Variants in SPINK9 observed in about 807,000 individuals in gnomAD.
SPINK9 encodes serine protease inhibitor Kazal-type 9.
In SPINK9, 3 loss-of-function variants were observed where a neutral mutation model predicts 10.8. That is an observed-to-expected ratio of 0.28 (90% CI 0.13 to 0.72). The LOEUF (loss-of-function observed/expected upper bound fraction) is 0.72, where lower values mean the gene tolerates loss of function less well. Among genes scored for constraint, SPINK9 ranks in the 30% least tolerant of loss-of-function variants. SPINK9 has a pLI of 0.74. For missense variants in SPINK9, 101 were observed against 103.2 expected, an observed-to-expected ratio of 0.98 and a Z score of 0.09; for synonymous variants, 30 against 31.2, an observed-to-expected ratio of 0.96 and a Z score of 0.12.
chr5:148,323,868 G>C (rs1238154458), exon 2 of SPINK9: 2 of 697,774 alleles, frequency 2.9e-6, no homozygotes, highest in Non-Finnish European at 5.2e-6. Flanking sequence ...ACATTTACAA[G>C]GTATGTAGCC....
intron 1 of SPINK9, among the ~76,000 whole-genome samples, chr5:148,321,808 T>G (rs529404057): frequency 2.0e-5 from 3 of 152,294 alleles, no homozygotes; most frequent in African/African-American, 4.8e-5. Flanking sequence ...AATGAATAAA[T>G]AATTGCAGGA....
At chr5:148,323,048 T>G (rs1181929099) in intron 1 of SPINK9, among the ~76,000 whole-genome samples, 1 of 152,130 alleles carries the variant, frequency 6.6e-6, no homozygotes, top group African/African-American at 2.4e-5. Context: ...AAGCAAAATA[T>G]AGAAGATACA....
chr5:148,323,805 A>G (rs1158494130), exon 2 of SPINK9: 2 of 701,648 alleles, frequency 2.9e-6, no homozygotes, highest in African/African-American at 3.5e-5. Flanking sequence ...TCCACCAAGC[A>G]GCTCAGGAGA....
chr5:148,330,684 C>T (rs1047134763), upstream of SPINK9, among the ~76,000 whole-genome samples: 2 of 152,080 alleles, frequency 1.3e-5, no homozygotes, highest in African/African-American at 2.4e-5. Flanking sequence ...TTCAGGAGTT[C>T]TTTTAGGGCA....
chr5:148,336,663 C>T (rs1215666527), intron 2 of SPINK9, among the ~76,000 whole-genome samples: 1 of 152,148 alleles, frequency 6.6e-6, no homozygotes, highest in East Asian at 1.9e-4. Context: ...TTTAGAAAGG[C>T]CTGGTCTTTA....
upstream of SPINK9, chr5:148,335,481 A>T: frequency 1.4e-6 from 1 of 712,118 alleles, no homozygotes; most frequent in Non-Finnish European, 2.4e-6. Flanking sequence ...CTGGAGTTGT[A>T]CTACTTAGAA....
At chr5:148,324,123 A>G (rs1757029675) in intron 2 of SPINK9, among the ~76,000 whole-genome samples, 1 of 152,214 alleles carries the variant, frequency 6.6e-6, no homozygotes, top group South Asian at 2.1e-4. Flanking sequence ...CATGCATGGC[A>G]TATTAAAGAA....
intron 2 of SPINK9, among the ~76,000 whole-genome samples, chr5:148,328,903 G>A (rs2113414803): frequency 6.6e-6 from 1 of 152,254 alleles, no homozygotes; most frequent in East Asian, 1.9e-4. Context: ...GATTCGGTTT[G>A]CCAGTATTTT....
chr5:148,327,443 C>A, intron 2 of SPINK9, among the ~76,000 whole-genome samples: 1 of 152,060 alleles, frequency 6.6e-6, no homozygotes, highest in Non-Finnish European at 1.5e-5. Context: ...AATTTTCTCT[C>A]ATTCTGTAGG....
chr5:148,328,097 A>G (rs1757093314), intron 2 of SPINK9, among the ~76,000 whole-genome samples: 2 of 152,186 alleles, frequency 1.3e-5, no homozygotes, highest in African/African-American at 4.8e-5. Flanking sequence ...TACCTTGGGC[A>G]GTATGGCCAT....
intron 1 of SPINK9, among the ~76,000 whole-genome samples, chr5:148,335,996 G>A (rs1014179584): frequency 3.3e-5 from 5 of 152,038 alleles, no homozygotes; most frequent in Admixed American, 1.3e-4. Context: ...CAATTGTTTG[G>A]CACCATGGGC....
intron 2 of SPINK9, among the ~76,000 whole-genome samples, chr5:148,326,787 G>C (rs1169027771): frequency 6.6e-6 from 1 of 151,904 alleles, no homozygotes; most frequent in Non-Finnish European, 1.5e-5. Context: ...CCTTGCGACA[G>C]TTTGCTGAGA....
intron 2 of SPINK9, 22 bp from the exon 3 acceptor site, chr5:148,338,456 G>C (rs949572461): frequency 1.3e-6 from 2 of 1,580,364 alleles, no homozygotes; most frequent in South Asian, 1.2e-5. Flanking sequence ...AAGAGTTGAA[G>C]GTTTTTAATA....
chr5:148,335,911 G>A (rs1345067310), intron 1 of SPINK9, among the ~76,000 whole-genome samples: 3 of 152,172 alleles, frequency 2.0e-5, no homozygotes, highest in Non-Finnish European at 4.4e-5. Context: ...TTTTTAGGGA[G>A]AGGATCATCC....
chr5:148,324,037 A>G lies in SPINK9; in HGVS notation c.118+169A>G, dbSNP rs578066348. Among the ~76,000 whole-genome samples, 5 of 152,326 alleles carry G rather than the reference A, an allele frequency of 3.3e-5. No homozygotes were observed. The East Asian group carries it at 9.6e-4, about 29-fold the overall frequency. On this transcript the variant is annotated intron_variant, in intron 2 of 4. Transcript: ENST00000511717. ...TATAATGTCCTACAAAAATCTAAAG[A>G]AACAATTATGATCTGAATGCCCATC...
At chr5:148,336,486 T>G in intron 2 of SPINK9, 33 bp downstream of exon 2, 2 of 1,599,880 alleles carry the variant, frequency 1.3e-6, no homozygotes, top group Non-Finnish European at 1.7e-6. Flanking sequence ...TATGTAATTT[T>G]AAAGTCAATA....
Position 148,327,294 on chromosome 5 carries a change from G to T in SPINK9, c.118+3426G>T, listed in dbSNP as rs928813066. 5.9e-5 allele frequency among the ~76,000 whole-genome samples: 9 copies of T among 152,200 alleles called. No individual in the cohort carries two copies. In the East Asian group the frequency reaches 1.7e-3, roughly 29 times the overall value. ...TCATTTTTTCATGTGTTTTTTGGCC[G>T]CATAAATGTCTTCTTTTGAGAAGCC... On this transcript the variant is annotated intron_variant, in intron 2 of 4. Transcript: ENST00000511717.
intron 2 of SPINK9, among the ~76,000 whole-genome samples, chr5:148,330,311 G>A (rs1005747728): frequency 2.0e-4 from 31 of 152,154 alleles, no homozygotes; most frequent in Admixed American, 8.5e-4. Flanking sequence ...TGTTTTATCC[G>A]AGACTAGGGT....
At chr5:148,327,817 G>C (rs1298363141) in intron 2 of SPINK9, among the ~76,000 whole-genome samples, 1 of 152,132 alleles carries the variant, frequency 6.6e-6, no homozygotes, top group African/African-American at 2.4e-5. Flanking sequence ...GATAGTTGTA[G>C]ATATGTGGCA....
Sources: gnomAD v4.1 joint callset for allele counts (sites outside exome capture counted in the v4.1 genomes callset) on GRCh38, gnomAD v4.1.1 for gene constraint, MANE v1.5 for transcripts, NCBI Gene and HGNC (gene_info 2026-07-23, HGNC 2026-07-21) for gene names.